The following CSMD2 variants were observed in gnomAD, a reference collection of about 807,000 sequenced individuals.
CSMD2 encodes the protein CUB and Sushi multiple domains 2.
In CSMD2, 130 loss-of-function variants were observed where a neutral mutation model predicts 398.5. The ratio of observed to expected loss-of-function variants is 0.33; its 90% CI spans 0.28 to 0.38. The LOEUF is 0.38. CSMD2 is among the 10% of genes least tolerant of loss of function. The pLI is 1.00. For synonymous variants in CSMD2, 1,828 were observed against 1,908.5 expected (o/e 0.96, Z 1.10); for missense variants, 3,829 against 4,764.9 (o/e 0.80, Z 5.78).
chr1:34,157,689 T>A (rs1484008811), intron 1 of CSMD2, among the ~76,000 whole-genome samples: 2 of 143,106 alleles, frequency 1.4e-5, no homozygotes, highest in Non-Finnish European at 3.0e-5. Flanking sequence ...CACATCTCAC[T>A]CAATCCTATC....
intron 12 of CSMD2, among the ~76,000 whole-genome samples, chr1:33,780,378 T>C (rs929983712): frequency 2.0e-5 from 3 of 152,160 alleles, no homozygotes; most frequent in African/African-American, 7.2e-5. Flanking sequence ...ACCCCACATC[T>C]GTATGTGCAC....
intron 65 of CSMD2, among the ~76,000 whole-genome samples, chr1:33,526,505 A>T (rs2148541223): frequency 6.6e-6 from 1 of 152,382 alleles, no homozygotes; most frequent in Middle Eastern, 3.4e-3. Flanking sequence ...CATGTGTAAA[A>T]GCACCTAATC....
rs774341596 is a variant in CSMD2, at chr1:33,569,375, A to G, written c.8130T>C (p.Leu2710=). 6.2e-7 allele frequency: 1 copy of G among 1,612,882 alleles called. No homozygotes were observed. The highest frequency in any genetic ancestry group is 1.1e-5 in the South Asian group (1 of 90,642). Residue 2710 remains leucine, a splice_region_variant and synonymous_variant, in exon 52 of 71, where the codon CTT becomes CTC. Transcript: ENST00000373381. ...GATAGGCCTGCAGAGGTCACTTACC[A>G]AGGCAGCGGACTTCAGAGCCACTCC... ...GLWSGSEVRC[L]ATQTKLHSIF...
At chr1:33,617,037 C>G (rs1187510477) in intron 38 of CSMD2, 62 bp from the exon 39 acceptor site, 11 of 1,355,738 alleles carry the variant, frequency 8.1e-6, no homozygotes, top group African/African-American at 1.4e-5. Context: ...TATGTACAAC[C>G]AGGGGCTGTA....
chr1:33,536,724 C>CTG (rs1655827004), intron 62 of CSMD2, among the ~76,000 whole-genome samples: 1 of 152,132 alleles, frequency 6.6e-6, no homozygotes, highest in East Asian at 1.9e-4. Flanking sequence ...GGACAGAGGT[C>CTG]TCACTCATTT....
chr1:33,859,998 T>C (rs1299523638), intron 5 of CSMD2, among the ~76,000 whole-genome samples: 1 of 152,190 alleles, frequency 6.6e-6, no homozygotes, highest in Non-Finnish European at 1.5e-5. Context: ...GCAAAGATCA[T>C]ACAGAAATGT....
intron 3 of CSMD2, among the ~76,000 whole-genome samples, chr1:33,991,537 G>C (rs1646553819): frequency 6.6e-6 from 1 of 152,132 alleles, no homozygotes; most frequent in South Asian, 2.1e-4. Flanking sequence ...ATAGTCATAG[G>C]TTTCCCTGCC....
chr1:34,043,520 G>A (rs759517252), intron 2 of CSMD2, among the ~76,000 whole-genome samples: 6 of 152,202 alleles, frequency 3.9e-5, no homozygotes, highest in Non-Finnish European at 7.4e-5. Context: ...CTTCTTGATG[G>A]TAAGTCTCTT....
chr1:34,091,245 A>G (rs1352098599), intron 1 of CSMD2, among the ~76,000 whole-genome samples: 1 of 152,220 alleles, frequency 6.6e-6, no homozygotes, highest in Non-Finnish European at 1.5e-5. Flanking sequence ...TCCATGTCCC[A>G]AGCTCAGTAT....
chr1:33,831,690 T>TTAAAGTCCATTTAAAAGACCA (rs1291004820), intron 6 of CSMD2, among the ~76,000 whole-genome samples: 1 of 152,152 alleles, frequency 6.6e-6, no homozygotes, highest in Non-Finnish European at 1.5e-5. Flanking sequence ...ATGGACTAAA[T>TTAAAGTCCATTTAAAAGACCA]GCTCCAATTA....
chr1:33,625,677 CCCCCAGTCT>C (rs1642075984), intron 33 of CSMD2, among the ~76,000 whole-genome samples: 1 of 152,184 alleles, frequency 6.6e-6, no homozygotes, highest in Non-Finnish European at 1.5e-5. Context: ...CCCTCCATGA[CCCCCAGTCT>C]CCCCTCCCTC....
intron 13 of CSMD2, among the ~76,000 whole-genome samples, chr1:33,759,936 C>A (rs746440377): frequency 2.4e-4 from 36 of 152,168 alleles, no homozygotes; most frequent in Admixed American, 2.0e-4. Context: ...ATGAAACTAG[C>A]TTTTGCTTCA....
At chr1:33,691,938 C>A (rs1645255815) in intron 25 of CSMD2, among the ~76,000 whole-genome samples, 1 of 152,166 alleles carries the variant, frequency 6.6e-6, no homozygotes, top group African/African-American at 2.4e-5. Context: ...TTCCTCCTAA[C>A]TCACCTGAGC....
chr1:33,815,279 C>T (rs997738837), intron 9 of CSMD2: 1 of 152,062 alleles, frequency 6.6e-6, no homozygotes, highest in Non-Finnish European at 1.5e-5. Context: ...TGATCTTTCT[C>T]TCTTTGTGAA....
At chr1:33,891,709 C>T (rs1212740598) in intron 5 of CSMD2, among the ~76,000 whole-genome samples, 3 of 151,758 alleles carry the variant, frequency 2.0e-5, no homozygotes, top group Non-Finnish European at 2.9e-5. Flanking sequence ...CCATGGAATA[C>T]TATGCAGCCA....
intron 1 of CSMD2, among the ~76,000 whole-genome samples, chr1:34,143,280 C>T (rs1258062948): frequency 6.6e-6 from 1 of 152,104 alleles, no homozygotes; most frequent in African/African-American, 2.4e-5. Flanking sequence ...CCTCCCAGGC[C>T]ATTAACAATA....
intron 2 of CSMD2, 59 bp from the exon 3 acceptor site, chr1:34,032,765 G>C: frequency 1.6e-6 from 2 of 1,227,310 alleles, no homozygotes; most frequent in Admixed American, 4.0e-5. Context: ...ACACATCCAC[G>C]AAGCATTTAT....
intron 4 of CSMD2, among the ~76,000 whole-genome samples, chr1:33,931,196 A>G (rs945886777): frequency 1.3e-5 from 2 of 152,146 alleles, no homozygotes; most frequent in Non-Finnish European, 2.9e-5. Flanking sequence ...GATGAGGTTT[A>G]CCCACTCGCA....
At chr1:33,989,055 T>C (rs1167864578) in intron 3 of CSMD2, among the ~76,000 whole-genome samples, 2 of 118,462 alleles carry the variant, frequency 1.7e-5, no homozygotes, top group East Asian at 5.4e-4. Flanking sequence ...TATATATATA[T>C]ATATATATAT....
Sources: gnomAD v4.1 joint callset for allele counts (sites outside exome capture counted in the v4.1 genomes callset) on GRCh38, gnomAD v4.1.1 for gene constraint, MANE v1.5 for transcripts, NCBI Gene and HGNC (gene_info 2026-07-23, HGNC 2026-07-21) for gene names.